FCF1: variants seen among roughly 807,000 people sequenced by gnomAD.
FCF1 encodes rRNA-processing protein FCF1 homolog.
In FCF1, 17 loss-of-function variants were observed where a neutral mutation model predicts 32.5. That is an observed-to-expected ratio of 0.52 (90% confidence interval 0.36 to 0.78). FCF1 has a LOEUF of 0.78. FCF1 is among the 30% of genes least tolerant of loss of function. The probability of loss-of-function intolerance (pLI) is 0.00; values close to 1 mark genes in which losing one functional copy is unlikely to be tolerated. For synonymous variants in FCF1, 84 were observed against 78.4 expected (o/e 1.07, Z -0.38); for missense variants, 201 against 241.1 (o/e 0.83, Z 1.10).
At chr14:74,719,426 C>T (rs1407123503) in intron 4 of FCF1, among the ~76,000 whole-genome samples, 1 of 151,544 alleles carries the variant, frequency 6.6e-6, no homozygotes, top group Non-Finnish European at 1.5e-5. Flanking sequence ...TCAAGACCAG[C>T]CTGGGCAACA....
At chr14:74,717,166 GC>G (rs1201951679) in intron 4 of FCF1, among the ~76,000 whole-genome samples, 2 of 145,320 alleles carry the variant, frequency 1.4e-5, no homozygotes, top group African/African-American at 5.1e-5. Flanking sequence ...GACCATTCTG[GC>G]CAACAAGGTG....
At chr14:74,716,125 G>T (rs200495320) in intron 4 of FCF1, 26 bp downstream of exon 4, 1 of 1,603,916 alleles carries the variant, frequency 6.2e-7, no homozygotes, top group Admixed American at 1.7e-5. Flanking sequence ...TTATGTTTCC[G>T]TGACATTTGT....
At chr14:74,734,197 A>AATT in intron 7 of FCF1, 27 bp downstream of exon 7, 1 of 1,280,324 alleles carries the variant, frequency 7.8e-7, no homozygotes, top group Non-Finnish European at 1.1e-6. Flanking sequence ...GGAGAAGGGA[A>AATT]TAGAAATATA....
chr14:74,715,041 G>A (rs2090398591), intron 3 of FCF1, 98 bp downstream of exon 3: 4 of 1,211,128 alleles, frequency 3.3e-6, no homozygotes, highest in Non-Finnish European at 3.4e-6. Flanking sequence ...TTGTTAGTAA[G>A]TCTAGCACAA....
At position 74,725,825 on chromosome 14, in the gene FCF1, G is replaced by T. The variant is rs148757879; in HGVS notation, c.365+2481G>T. ...TAGTGGGCGCCTGGTAGTCCCAGCT[G>T]CTGGGGAGGCTGAGGCAGGAGAATA... On this transcript the variant is annotated intron_variant, in intron 5 of 7. Coordinates refer to ENST00000341162, the MANE Select transcript of FCF1 (RefSeq NM_015962.5). Among the ~76,000 whole-genome samples, 3 of 151,826 alleles carry T rather than the reference G, an allele frequency of 2.0e-5. No individual in the cohort carries two copies. The East Asian group carries it at 5.8e-4, about 30-fold the overall frequency.
chr14:74,713,299 GC>G (rs2090357906), intron 1 of FCF1, 99 bp downstream of exon 1: 1 of 1,612,644 alleles, frequency 6.2e-7, no homozygotes, highest in East Asian at 2.2e-5. Flanking sequence ...CATTATCCTA[GC>G]ATATTTTCAT....
chr14:74,728,676 T>G (rs2090600716), intron 5 of FCF1, among the ~76,000 whole-genome samples: 1 of 152,166 alleles, frequency 6.6e-6, no homozygotes, highest in South Asian at 2.1e-4. Context: ...CCCTGTCTTG[T>G]GCCAGTTTTC....
At chr14:74,729,691 T>C (rs1193683120) in intron 5 of FCF1, among the ~76,000 whole-genome samples, 3 of 152,224 alleles carry the variant, frequency 2.0e-5, no homozygotes, top group Non-Finnish European at 4.4e-5. Flanking sequence ...TTAATTGTGA[T>C]GTTAGGGTGT....
In FCF1 at chr14:74,723,480, G is replaced by C. The variant is rs1000816969; in HGVS notation, c.365+136G>C. Reference sequence around the variant, plus strand: ...TATCATTTTTGGGGGGGTTGTTTTGGTCTTTCTCTCACACAAAAATCAGTT... The same window carrying C: ...TATCATTTTTGGGGGGGTTGTTTTGCTCTTTCTCTCACACAAAAATCAGTT... On this transcript the variant is annotated intron_variant, in intron 5 of 7. Transcript: ENST00000341162. 3 of 608,398 alleles carry C rather than the reference G, an allele frequency of 4.9e-6. No individual in the cohort carries two copies. In the African/African-American group the frequency reaches 5.8e-5, roughly 12 times the overall value. 37.7% of individuals were successfully genotyped at this position (608,398 alleles called of 1,614,324 possible).
chr14:74,726,679 A>G (rs536529347), intron 5 of FCF1, among the ~76,000 whole-genome samples: 3 of 151,616 alleles, frequency 2.0e-5, no homozygotes, highest in Non-Finnish European at 2.9e-5. Context: ...ATATGTATAC[A>G]TGTGCCATGC....
intron 5 of FCF1, among the ~76,000 whole-genome samples, chr14:74,731,647 C>G (rs2090639252): frequency 6.6e-6 from 1 of 152,160 alleles, no homozygotes; most frequent in African/African-American, 2.4e-5. Flanking sequence ...CCCCAAATAC[C>G]AAGAAACCAT....
chr14:74,719,084 C>T (rs1384837320), intron 4 of FCF1, among the ~76,000 whole-genome samples: 2 of 141,190 alleles, frequency 1.4e-5, no homozygotes, highest in African/African-American at 2.7e-5. Flanking sequence ...GAGCCGAGAT[C>T]GTGCCACTGC....
intron 5 of FCF1, among the ~76,000 whole-genome samples, chr14:74,727,218 T>G (rs1048038930): frequency 6.6e-6 from 1 of 152,216 alleles, no homozygotes; most frequent in African/African-American, 2.4e-5. Flanking sequence ...TTTACAGTCC[T>G]GCCAACAGTG....
In FCF1 at chr14:74,735,753, G is replaced by C. The variant is rs557197460; in HGVS notation, c.*823G>C. On this transcript the variant is annotated 3_prime_UTR_variant, in exon 8 of 8. Coordinates refer to ENST00000341162, the MANE Select transcript of FCF1 (RefSeq NM_015962.5). ...CTCAACTAATTTTTCTTTTTTGGGC[G>C]GGGGGGGTGGATATTTTTAGTAGAG... 2.7e-5 allele frequency: 4 copies of C among 149,352 alleles called. No individual in the cohort carries two copies. The highest frequency in any genetic ancestry group is 7.4e-5 in the African/African-American group (3 of 40,494). 9.3% of individuals were successfully genotyped at this position (149,352 alleles called of 1,614,324 possible). A position where few individuals can be genotyped will look rare whatever the true frequency, so the allele number is the denominator to read the frequency against.
chr14:74,713,286 T>C, intron 1 of FCF1, 86 bp downstream of exon 1: 1 of 1,613,938 alleles, frequency 6.2e-7, no homozygotes, highest in Non-Finnish European at 8.5e-7. Flanking sequence ...CAAATTTCCT[T>C]CACATTATCC....
chr14:74,716,117 AT>A lies in FCF1; in HGVS notation c.292+19del, dbSNP rs201439353. On this transcript the variant is annotated intron_variant, in intron 4 of 7. Coordinates refer to ENST00000341162, the MANE Select transcript of FCF1 (RefSeq NM_015962.5). Reference sequence around the variant, plus strand: ...TGCCAAGTGTGAGTATCATACTTTTATGTTTCCGTGACATTTGTTCAGAATA... The same window carrying A: ...TGCCAAGTGTGAGTATCATACTTTTAGTTTCCGTGACATTTGTTCAGAATA... 1.9e-5 allele frequency: 31 copies of A among 1,607,168 alleles called. No individual in the cohort carries two copies. The East Asian group carries it at 6.7e-4, about 35-fold the overall frequency.
At position 74,736,312 on chromosome 14, in the gene FCF1, TG is replaced by T; in HGVS notation, c.*1383del. ...CTGTAATCCCAGCCACTGGGGAGGCTGAGGCAGGAGAACCTCTTGAACCCAG... is the reference window on the plus strand; with the variant it reads ...CTGTAATCCCAGCCACTGGGGAGGCTAGGCAGGAGAACCTCTTGAACCCAG... On this transcript the variant is annotated 3_prime_UTR_variant, in exon 8 of 8. Transcript: ENST00000341162. 6.6e-6 allele frequency: 1 copy of T among 151,918 alleles called. No homozygotes were observed. Among genetic ancestry groups the T allele is most frequent in the East Asian group, 1.9e-4 (1 of 5,144 alleles). 9.4% of individuals were successfully genotyped at this position (151,918 alleles called of 1,614,324 possible). A position where few individuals can be genotyped will look rare whatever the true frequency, so the allele number is the denominator to read the frequency against.
At chr14:74,714,743 T>C in intron 2 of FCF1, 129 bp from the exon 3 acceptor site, 2 of 1,239,846 alleles carry the variant, frequency 1.6e-6, no homozygotes, top group South Asian at 1.5e-5. Context: ...GATATTAACA[T>C]GAGGATATCA....
chr14:74,725,559 G>T (rs1005644495), intron 5 of FCF1, among the ~76,000 whole-genome samples: 3 of 151,744 alleles, frequency 2.0e-5, no homozygotes, highest in Non-Finnish European at 4.4e-5. Context: ...GAGGCCAAGT[G>T]GGGAGGATCG....
Sources: allele counts gnomAD v4.1 joint callset (sites outside exome capture counted in the v4.1 genomes callset), GRCh38; gene constraint gnomAD v4.1.1; transcripts MANE v1.5; gene names NCBI Gene and HGNC (gene_info 2026-07-23, HGNC 2026-07-21).